NOS1: variants seen among roughly 807,000 people sequenced by gnomAD.
NOS1 encodes NOS type I.
NOS1 carries 51 observed loss-of-function variants against 164.5 expected under a neutral mutation model. The observed-to-expected ratio is 0.31, with a 90% CI of 0.25 to 0.39. NOS1 has a LOEUF of 0.39. Ranked by LOEUF, NOS1 falls within the 10% of genes least tolerant of loss-of-function variation. NOS1 has a pLI of 1.00. For missense variants in NOS1, 1,362 were observed against 1,885.6 expected (o/e 0.72, Z 5.14); for synonymous variants, 719 against 745.8 (o/e 0.96, Z 0.59).
rs1956485153 is a variant in NOS1, at chr12:117,208,875, A to G, written c.*6434T>C. On this transcript the variant is annotated 3_prime_UTR_variant, in exon 29 of 29. Coordinates refer to ENST00000317775, the MANE Select transcript of NOS1 (RefSeq NM_000620.5). ...GTAGATGGGATTACAGATGCCCGCC[A>G]CCACGCCGGGCTGATTTTTGTATTT... 1.7e-6 allele frequency: 1 copy of G among 600,562 alleles called. No homozygotes were observed. The highest frequency in any genetic ancestry group is 2.0e-5 in the African/African-American group (1 of 50,104). 37.2% of individuals were successfully genotyped at this position (600,562 alleles called of 1,614,324 possible). A position where few individuals can be genotyped will look rare whatever the true frequency, so the allele number is the denominator to read the frequency against.
At chr12:117,256,175 A>G in intron 16 of NOS1, 1 of 441,572 alleles carries the variant, frequency 2.3e-6, no homozygotes, top group Non-Finnish European at 4.0e-6. Context: ...TTGGGCGTAG[A>G]ACGAGGGCTG....
At chr12:117,302,511 G>C (rs902145897) in intron 3 of NOS1, among the ~76,000 whole-genome samples, 4 of 150,602 alleles carry the variant, frequency 2.7e-5, no homozygotes, top group Non-Finnish European at 5.9e-5. Context: ...GGAGAATGGC[G>C]TGAACCCCAG....
chr12:117,321,491 C>T (rs1335494028), intron 2 of NOS1, among the ~76,000 whole-genome samples: 1 of 152,092 alleles, frequency 6.6e-6, no homozygotes, highest in Non-Finnish European at 1.5e-5. Context: ...AGGCTTATCC[C>T]ATGGCTCTTC....
At position 117,226,698 on chromosome 12, in the gene NOS1, G is replaced by A. The variant is rs758858270; in HGVS notation, c.3689C>T (p.Pro1230Leu). 1.9e-6 allele frequency: 3 copies of A among 1,613,886 alleles called. No individual in the cohort carries two copies. In the Admixed American group the frequency reaches 5.0e-5, roughly 27 times the overall value. ...LNRIQADELV[P>L]CFVRGAPSFH... ...TATTACTCACCCTCTCACGAAACAG[G>A]GGACCAGTTCGTCAGCCTGTATCCG... Residue 1230 changes from proline (P) to leucine (L), a missense_variant, in exon 24 of 29, where the codon CCC becomes CTC. Pro to Leu is a moderately conservative substitution (Grantham distance 98). Coordinates refer to ENST00000317775, the MANE Select transcript of NOS1 (RefSeq NM_000620.5).
At chr12:117,227,089 A>C (rs1868758568) in intron 23 of NOS1, among the ~76,000 whole-genome samples, 1 of 152,086 alleles carries the variant, frequency 6.6e-6, no homozygotes, top group South Asian at 2.1e-4. Context: ...GGAAAAATAC[A>C]GGGCAGAGCT....
At chr12:117,307,727 T>G (rs1874223050) in intron 3 of NOS1, among the ~76,000 whole-genome samples, 1 of 152,042 alleles carries the variant, frequency 6.6e-6, no homozygotes, top group Non-Finnish European at 1.5e-5. Context: ...CTTATAAAAA[T>G]GACATGGGCC....
At chr12:117,359,651 C>T (rs1050924649) in intron 1 of NOS1, among the ~76,000 whole-genome samples, 6 of 151,792 alleles carry the variant, frequency 4.0e-5, no homozygotes, top group African/African-American at 1.5e-4. Flanking sequence ...GCTGCGTGCG[C>T]GCTTTTCTTA....
chr12:117,287,446 G>GT (rs908841837), intron 5 of NOS1, among the ~76,000 whole-genome samples: 79 of 149,798 alleles, frequency 5.3e-4, no homozygotes, highest in Admixed American at 1.1e-3. Context: ...TCTTTCTTTT[G>GT]TTTTTTTTTG....
intron 1 of NOS1, among the ~76,000 whole-genome samples, chr12:117,352,326 C>T (rs1012462454): frequency 6.6e-6 from 1 of 152,184 alleles, no homozygotes; most frequent in African/African-American, 2.4e-5. Context: ...GTCAGAGCTT[C>T]AGTTCTGCAC....
At chr12:117,346,898 A>G (rs1045522747) in intron 1 of NOS1, among the ~76,000 whole-genome samples, 1 of 152,232 alleles carries the variant, frequency 6.6e-6, no homozygotes, top group Non-Finnish European at 1.5e-5. Context: ...CTCTGGTCAG[A>G]TTCTATCAAA....
At chr12:117,223,778 CCAAG>C (rs9658518) in intron 25 of NOS1, among the ~76,000 whole-genome samples, 1,856 of 152,070 alleles carry the variant, frequency 0.012, 19 homozygotes, top group African/African-American at 0.043. Flanking sequence ...TCTCAGCCTC[CCAAG>C]TAACTTGGAT....
At chr12:117,309,470 A>T (rs1874320318) in intron 3 of NOS1, 1 of 725,082 alleles carries the variant, frequency 1.4e-6, no homozygotes, top group South Asian at 6.3e-5. Flanking sequence ...GAAAGCTGCC[A>T]TCTGTAGGCC....
chr12:117,336,215 A>G (rs1486568194), intron 1 of NOS1, among the ~76,000 whole-genome samples: 1 of 152,154 alleles, frequency 6.6e-6, no homozygotes, highest in African/African-American at 2.4e-5. Flanking sequence ...CATTTTATAG[A>G]TGAGAAAACA....
chr12:117,353,046 A>G (rs1334521375), intron 1 of NOS1, among the ~76,000 whole-genome samples: 1 of 152,030 alleles, frequency 6.6e-6, no homozygotes, highest in Non-Finnish European at 1.5e-5. Context: ...CCATCCATCC[A>G]TCCATCCACC....
chr12:117,290,433 G>A lies in NOS1; in HGVS notation c.853-7C>T. On this transcript the variant is annotated splice_region_variant and splice_polypyrimidine_tract_variant and intron_variant, in intron 3 of 28. Transcript: ENST00000317775. Reference sequence around the variant, plus strand: ...GTTTTCCTGAGGTGGGGGGCTGCAGGAGAGAATGAAGGTGGAAGATGAGGC... The same window carrying A: ...GTTTTCCTGAGGTGGGGGGCTGCAGAAGAGAATGAAGGTGGAAGATGAGGC... 1 of 1,609,390 alleles carries A rather than the reference G, an allele frequency of 6.2e-7. No individual in the cohort carries two copies. Among genetic ancestry groups the A allele is most frequent in the Non-Finnish European group, 8.5e-7 (1 of 1,177,610 alleles).
At chr12:117,261,130 C>T (rs1049725113) in intron 13 of NOS1, among the ~76,000 whole-genome samples, 2 of 138,620 alleles carry the variant, frequency 1.4e-5, no homozygotes, top group African/African-American at 5.6e-5. Flanking sequence ...GATCGCACCA[C>T]TGGGCACCAC....
intron 1 of NOS1, among the ~76,000 whole-genome samples, chr12:117,337,817 G>A (rs1875910490): frequency 6.6e-6 from 1 of 152,074 alleles, no homozygotes. Flanking sequence ...TCTAACCCAG[G>A]GCTGTCATCC....
chr12:117,245,969 A>T (rs1294092761), intron 18 of NOS1: 1 of 152,960 alleles, frequency 6.5e-6, no homozygotes, highest in Non-Finnish European at 1.5e-5. Flanking sequence ...AGGGATAGGA[A>T]TCTCTCTCTC....
intron 22 of NOS1, among the ~76,000 whole-genome samples, chr12:117,231,103 G>A (rs1267719936): frequency 6.6e-6 from 1 of 152,046 alleles, no homozygotes; most frequent in Admixed American, 6.6e-5. Flanking sequence ...CGAGGTGGGT[G>A]GATCACCTGA....
Sources: gnomAD v4.1 joint callset for allele counts (sites outside exome capture counted in the v4.1 genomes callset) on GRCh38, gnomAD v4.1.1 for gene constraint, MANE v1.5 for transcripts, NCBI Gene and HGNC (gene_info 2026-07-23, HGNC 2026-07-21) for gene names.